The following ELAPOR1 variants were observed in gnomAD, a reference collection of about 807,000 sequenced individuals.
ELAPOR1 encodes endosome/lysosome-associated apoptosis and autophagy regulator 1.
Under a neutral mutation model 119.7 loss-of-function variants are expected in ELAPOR1, and 77 were observed. The observed-to-expected ratio is 0.64, with a 90% CI of 0.54 to 0.78. The LOEUF (loss-of-function observed/expected upper bound fraction) is 0.78, where lower values mean the gene tolerates loss of function less well. ELAPOR1 is among the 30% of genes least tolerant of loss of function. The probability of loss-of-function intolerance (pLI) is 0.00; values close to 1 mark genes in which losing one functional copy is unlikely to be tolerated. For missense variants in ELAPOR1, 1,115 were observed against 1,270.4 expected, an observed-to-expected ratio of 0.88 and a Z score of 1.86; for synonymous variants, 481 against 487.2, an observed-to-expected ratio of 0.99 and a Z score of 0.17.
At chr1:109,122,029 C>A (rs561628502) in intron 1 of ELAPOR1, among the ~76,000 whole-genome samples, 3 of 151,840 alleles carry the variant, frequency 2.0e-5, no homozygotes, top group Admixed American at 1.3e-4. Flanking sequence ...ACCTTGGCCT[C>A]CCAAAGTGCT....
chr1:109,171,888 G>T lies in ELAPOR1; in HGVS notation c.490G>T (p.Asp164Tyr). Residue 164 changes from aspartate to tyrosine, a missense_variant, in exon 4 of 22, where the codon GAC becomes TAC. Physicochemically the swap from Asp to Tyr is radical, Grantham distance 160. Transcript: ENST00000369939. ...CAGGTCCAAGTGGGTTCCCCGGGGC[G>T]ACTACATCGCCTCCAACACGGACGA... ...CTSSKWVPRG[D>Y]YIASNTDECT... 1 of 1,614,204 alleles carries T rather than the reference G, an allele frequency of 6.2e-7. No individual in the cohort carries two copies. Among genetic ancestry groups the T allele is most frequent in the Non-Finnish European group, 8.5e-7 (1 of 1,180,044 alleles).
chr1:109,165,768 A>G (rs1651561532), intron 3 of ELAPOR1, among the ~76,000 whole-genome samples: 1 of 143,152 alleles, frequency 7.0e-6, no homozygotes. Context: ...TTTTTGAGAC[A>G]GAGTCTCACT....
At chr1:109,189,496 A>AAAGAT (rs1653291679) in intron 10 of ELAPOR1, 96 bp from the exon 11 acceptor site, 1 of 1,146,600 alleles carries the variant, frequency 8.7e-7, no homozygotes, top group South Asian at 1.3e-5. Context: ...GCGCCTCAAA[A>AAAGAT]GATGGTGTCA....
chr1:109,179,708 C>G (rs193234133), intron 7 of ELAPOR1, among the ~76,000 whole-genome samples: 1 of 151,904 alleles, frequency 6.6e-6, no homozygotes, highest in African/African-American at 2.4e-5. Context: ...GAGTTGGAGA[C>G]CAGCCTGACC....
intron 3 of ELAPOR1, among the ~76,000 whole-genome samples, chr1:109,167,495 GC>G (rs1651671039): frequency 1.3e-5 from 2 of 152,174 alleles, no homozygotes; most frequent in African/African-American, 4.8e-5. Flanking sequence ...TTCCTATTCA[GC>G]TGTGCAGCTA....
Position 109,191,366 on chromosome 1 carries a change from A to C in ELAPOR1, c.1440A>C (p.Arg480Ser). ...MILTLVVPGFRPPQSVMADTE... is the reference protein window; with the variant it reads ...MILTLVVPGFSPPQSVMADTE... Reference sequence around the variant, plus strand: ...TGACTTTTAATTTCTGCCCCTACAGACCTCCGCAGTCGGTGATGGCAGACA... The same window carrying C: ...TGACTTTTAATTTCTGCCCCTACAGCCCTCCGCAGTCGGTGATGGCAGACA... The change falls in exon 12 of 22, where the codon AGA becomes AGC. Residue 480 changes from arginine to serine, a missense_variant and splice_region_variant. Arg to Ser is a moderately radical substitution (Grantham distance 110). Coordinates refer to ENST00000369939, the MANE Select transcript of ELAPOR1 (RefSeq NM_020775.5). 1 of 1,612,450 alleles carries C rather than the reference A, an allele frequency of 6.2e-7. No homozygotes were observed. Among genetic ancestry groups the C allele is most frequent in the Non-Finnish European group, 8.5e-7 (1 of 1,178,608 alleles).
chr1:109,188,426 G>A (rs1653209864), intron 9 of ELAPOR1, 72 bp downstream of exon 9: 2 of 1,481,578 alleles, frequency 1.3e-6, no homozygotes, highest in Non-Finnish European at 1.8e-6. Flanking sequence ...ACTAACAGTG[G>A]CCAGCTGAAT....
At chr1:109,124,824 C>A (rs1648668020) in intron 1 of ELAPOR1, among the ~76,000 whole-genome samples, 1 of 152,194 alleles carries the variant, frequency 6.6e-6, no homozygotes. Flanking sequence ...AAGGACCCTA[C>A]TGGAGCTCCC....
Position 109,200,788 on chromosome 1 carries a change from A to T in ELAPOR1, c.2861A>T (p.Asp954Val), listed in dbSNP as rs765251207. The T allele has an allele frequency of 6.2e-7, 1 of 1,614,076 alleles. No individual in the cohort carries two copies. Among genetic ancestry groups the T allele is most frequent in the African/African-American group, 1.3e-5 (1 of 74,924 alleles). Residue 954 changes from aspartate to valine, a missense_variant, in exon 21 of 22, where the codon GAC (aspartate) becomes GTC (valine). Coordinates refer to ENST00000369939, the MANE Select transcript of ELAPOR1 (RefSeq NM_020775.5). ...LVMNATLKDC[D>V]LPAADSCAIM... Reference sequence around the variant, plus strand: ...ATGAATGCTACTCTCAAGGACTGTGACCTGCCAGCAGCTGACAGCTGCGCC... The same window carrying T: ...ATGAATGCTACTCTCAAGGACTGTGTCCTGCCAGCAGCTGACAGCTGCGCC...
intron 1 of ELAPOR1, among the ~76,000 whole-genome samples, chr1:109,144,061 A>ATATATTTTTTTTTTTTTTTTTTTTTTT: frequency 3.4e-5 from 3 of 88,992 alleles, no homozygotes; most frequent in African/African-American, 1.4e-4. Context: ...ATATTTATAT[A>ATATATTTTTTTTTTTTTTTTTTTTTTT]TTTTTTTTTT....
intron 1 of ELAPOR1, among the ~76,000 whole-genome samples, chr1:109,142,625 C>T (rs979395067): frequency 3.9e-5 from 6 of 152,132 alleles, no homozygotes; most frequent in African/African-American, 9.7e-5. Context: ...TCAAAGGTAA[C>T]GTGGACCACA....
chr1:109,183,585 C>CT (rs879857045), intron 7 of ELAPOR1, among the ~76,000 whole-genome samples: 1,683 of 107,002 alleles, frequency 0.016, 42 homozygotes, highest in South Asian at 0.029. Context: ...TCCTTCCTTC[C>CT]TTCCTTCCTT....
intron 1 of ELAPOR1, among the ~76,000 whole-genome samples, chr1:109,159,605 G>A (rs1222123461): frequency 6.6e-6 from 1 of 152,164 alleles, no homozygotes; most frequent in African/African-American, 2.4e-5. Flanking sequence ...GTCTGTGTTT[G>A]GTCAGAGTCT....
chr1:109,171,033 A>C (rs984947303), intron 3 of ELAPOR1, among the ~76,000 whole-genome samples: 2 of 152,162 alleles, frequency 1.3e-5, no homozygotes, highest in African/African-American at 2.4e-5. Context: ...TGAGTTCTGA[A>C]GAATATCTGT....
chr1:109,200,322 GT>G (rs1328535575), intron 20 of ELAPOR1, 85 bp downstream of exon 20: 4 of 1,491,882 alleles, frequency 2.7e-6, no homozygotes, highest in Non-Finnish European at 3.7e-6. Flanking sequence ...AATTAATGGG[GT>G]TTTTCTCTGG....
intron 1 of ELAPOR1, among the ~76,000 whole-genome samples, chr1:109,114,902 T>C (rs1647888047): frequency 6.6e-6 from 1 of 152,158 alleles, no homozygotes; most frequent in African/African-American, 2.4e-5. Flanking sequence ...AAAATGTGTC[T>C]CCTCCTTATA....
At chr1:109,127,085 CCTT>C (rs1648825063) in intron 1 of ELAPOR1, among the ~76,000 whole-genome samples, 2 of 151,996 alleles carry the variant, frequency 1.3e-5, no homozygotes, top group Admixed American at 6.6e-5. Flanking sequence ...CTTAAGCTCT[CCTT>C]CTATGTCATA....
chr1:109,127,012 T>C (rs899761940), intron 1 of ELAPOR1, among the ~76,000 whole-genome samples: 13 of 152,088 alleles, frequency 8.5e-5, no homozygotes, highest in African/African-American at 3.1e-4. Context: ...AACTCTTCCT[T>C]TCCTCAGTCT....
At chr1:109,170,515 TGA>T (rs1203553589) in intron 3 of ELAPOR1, among the ~76,000 whole-genome samples, 1 of 151,916 alleles carries the variant, frequency 6.6e-6, no homozygotes, top group Non-Finnish European at 1.5e-5. Flanking sequence ...GGAGTTAAAC[TGA>T]GAGAGAGAGG....
Sources: allele counts gnomAD v4.1 joint callset (sites outside exome capture counted in the v4.1 genomes callset), GRCh38; gene constraint gnomAD v4.1.1; transcripts MANE v1.5; gene names NCBI Gene and HGNC (gene_info 2026-07-23, HGNC 2026-07-21).